The following CDYL variants were observed in gnomAD, a reference collection of about 807,000 sequenced individuals.
CDYL encodes the protein chromodomain Y-like protein.
Under a neutral mutation model 47.3 loss-of-function variants are expected in CDYL, and 8 were observed. The observed-to-expected ratio is 0.17, with a 90% CI of 0.10 to 0.31. CDYL has a LOEUF of 0.31. Among genes scored for constraint, CDYL ranks in the 10% least tolerant of loss-of-function variants. The pLI, the probability that CDYL is intolerant of heterozygous loss-of-function variation, is 1.00. For missense variants in CDYL, 471 were observed against 701.4 expected (o/e 0.67, Z 3.71); for synonymous variants, 266 against 265.0 (o/e 1.00, Z -0.04).
chr6:4,830,447 G>C (rs182938172), intron 1 of CDYL, among the ~76,000 whole-genome samples: 1 of 152,110 alleles, frequency 6.6e-6, no homozygotes, highest in African/African-American at 2.4e-5. Flanking sequence ...CATTGTGTCT[G>C]TGGTCACAGC....
chr6:4,732,636 C>T (rs934988453), intron 2 of CDYL, among the ~76,000 whole-genome samples: 2 of 137,926 alleles, frequency 1.5e-5, no homozygotes, highest in African/African-American at 5.6e-5. Context: ...GCACTGCAGC[C>T]TGGGCAACAG....
intron 1 of CDYL, among the ~76,000 whole-genome samples, chr6:4,829,821 C>T (rs922206325): frequency 6.6e-6 from 1 of 152,218 alleles, no homozygotes; most frequent in Non-Finnish European, 1.5e-5. Context: ...ATAAGGTTGG[C>T]TGTGCTCCCT....
rs531927051 is a variant in CDYL at position 4,750,915 on chromosome 6, C to T, written c.186+16071C>T. ...TCACCTAGGCTGGAGTGCAGTGGCA[C>T]GATCTCGGCTCACTGCAAGCTCTGC... On this transcript the variant is annotated intron_variant, in intron 3 of 8. Coordinates refer to the CDYL transcript ENST00000328908. Among the ~76,000 whole-genome samples, 4 of 150,432 alleles carry T rather than the reference C, an allele frequency of 2.7e-5. No homozygotes were observed. In the East Asian group the frequency reaches 5.9e-4, roughly 22 times the overall value.
chr6:4,774,429 A>G (rs905950372), upstream of CDYL: 3 of 152,266 alleles, frequency 2.0e-5, no homozygotes, highest in Non-Finnish European at 4.4e-5. Flanking sequence ...AATGCAGCAT[A>G]TAATGGAAAT....
intron 1 of CDYL, among the ~76,000 whole-genome samples, chr6:4,822,307 T>C (rs1340503072): frequency 6.6e-6 from 1 of 152,148 alleles, no homozygotes; most frequent in African/African-American, 2.4e-5. Flanking sequence ...CAAAATCAGC[T>C]TCTTAACAGC....
At chr6:4,727,741 C>G (rs1009963102) in intron 2 of CDYL, among the ~76,000 whole-genome samples, 4 of 152,078 alleles carry the variant, frequency 2.6e-5, no homozygotes, top group Non-Finnish European at 5.9e-5. Context: ...GGGATGCCAC[C>G]GTGATAAAAT....
At chr6:4,769,693 C>CT (rs1302904314) in intron 3 of CDYL, among the ~76,000 whole-genome samples, 1 of 152,180 alleles carries the variant, frequency 6.6e-6, no homozygotes, top group Non-Finnish European at 1.5e-5. Context: ...TGGGCACTGT[C>CT]TCTGGGGAAG....
At position 4,815,019 on chromosome 6, in the gene CDYL, G is replaced by A. The variant is rs192137499; in HGVS notation, c.24+38212G>A. 3.9e-5 allele frequency among the ~76,000 whole-genome samples: 6 copies of A among 152,248 alleles called. No homozygotes were observed. In the South Asian group the frequency reaches 6.2e-4, roughly 16 times the overall value. On this transcript the variant is annotated intron_variant, in intron 1 of 6. Transcript: ENST00000397588. ...TTCAGAAATATTCTCATTTTTCCTGGTTTGTGACCCTTAGTTTGCCTTCTC... is the reference window on the plus strand; with the variant it reads ...TTCAGAAATATTCTCATTTTTCCTGATTTGTGACCCTTAGTTTGCCTTCTC...
In CDYL at chr6:4,795,542, C is replaced by T. The variant is rs185665236; in HGVS notation, c.24+18735C>T. Among the ~76,000 whole-genome samples the T allele has an allele frequency of 4.3e-4, 65 of 152,112 alleles. No individual in the cohort carries two copies. In the East Asian group the frequency reaches 9.8e-3, roughly 23 times the overall value. ...GGAAGGTGAACTATTTATTTTCCAT[C>T]GAGAATTTGATCTTATTGATTTATG... On this transcript the variant is annotated intron_variant, in intron 1 of 6. Transcript: ENST00000397588.
chr6:4,718,244 T>C (rs1757306377), intron 2 of CDYL, among the ~76,000 whole-genome samples: 1 of 151,726 alleles, frequency 6.6e-6, no homozygotes, highest in South Asian at 2.1e-4. Context: ...TTTTTAAGAA[T>C]GCCCAGTTTT....
intron 1 of CDYL, among the ~76,000 whole-genome samples, chr6:4,853,953 G>A (rs780963437): frequency 5.9e-5 from 9 of 152,206 alleles, no homozygotes; most frequent in Non-Finnish European, 4.4e-5. Flanking sequence ...TTGTTTTCCC[G>A]AAATTCAGCA....
intron 1 of CDYL, among the ~76,000 whole-genome samples, chr6:4,827,811 C>T (rs190920922): frequency 1.1e-4 from 17 of 152,032 alleles, no homozygotes; most frequent in Admixed American, 4.6e-4. Flanking sequence ...TGTGCCACCA[C>T]GCCTAGCTAA....
At chr6:4,717,840 T>G (rs372985381) in intron 2 of CDYL, among the ~76,000 whole-genome samples, 1,601 of 19,680 alleles carry the variant, frequency 0.081, 41 homozygotes, top group African/African-American at 0.15. Flanking sequence ...CCCTGTTAGA[T>G]TTTTTTTTTT....
At chr6:4,726,299 G>A (rs973838553) in intron 2 of CDYL, among the ~76,000 whole-genome samples, 1 of 152,116 alleles carries the variant, frequency 6.6e-6, no homozygotes, top group Non-Finnish European at 1.5e-5. Flanking sequence ...CACTTTGGGA[G>A]GCCGAGGTGG....
At chr6:4,917,872 T>A (rs1334228341) in intron 2 of CDYL, among the ~76,000 whole-genome samples, 1 of 152,180 alleles carries the variant, frequency 6.6e-6, no homozygotes, top group Non-Finnish European at 1.5e-5. Context: ...TGAGGTGAAC[T>A]AGGGGTGGAA....
intron 2 of CDYL, among the ~76,000 whole-genome samples, chr6:4,905,221 C>T (rs1757194631): frequency 6.6e-6 from 1 of 152,120 alleles, no homozygotes; most frequent in Non-Finnish European, 1.5e-5. Context: ...GCTTGCTGTT[C>T]TCTTCAACCC....
intron 1 of CDYL, among the ~76,000 whole-genome samples, chr6:4,830,974 G>A (rs1319962828): frequency 6.6e-6 from 1 of 152,026 alleles, no homozygotes; most frequent in Non-Finnish European, 1.5e-5. Flanking sequence ...TGGTGTATAT[G>A]TGCCACATTT....
At chr6:4,710,379 G>GGGAAGGAAGGAAGGAAGGGAGGAAGGAA (rs1757129224) in intron 1 of CDYL, among the ~76,000 whole-genome samples, 1 of 101,162 alleles carries the variant, frequency 9.9e-6, no homozygotes, top group Non-Finnish European at 2.1e-5. Context: ...GAGGGAGGGA[G>GGGAAGGAAGGAAGGAAGGGAGGAAGGAA]GGAAGGAAGG....
intron 1 of CDYL, 121 bp from the exon 2 acceptor site, chr6:4,891,592 A>C: frequency 1.3e-6 from 1 of 748,000 alleles, no homozygotes; most frequent in Non-Finnish European, 2.1e-6. Context: ...TTGAGGTTGC[A>C]GAAGAGATCA....
Sources: gnomAD v4.1 joint callset for allele counts (sites outside exome capture counted in the v4.1 genomes callset) on GRCh38, gnomAD v4.1.1 for gene constraint, MANE v1.5 for transcripts, NCBI Gene and HGNC (gene_info 2026-07-23, HGNC 2026-07-21) for gene names.